Variants in IGSF11 observed in about 807,000 individuals in gnomAD.
IGSF11 encodes CXADR like 1.
In IGSF11, 22 loss-of-function variants were observed where a neutral mutation model predicts 41.0. The observed-to-expected ratio is 0.54, with a 90% CI of 0.38 to 0.77. The LOEUF is 0.77. IGSF11 is among the 30% of genes least tolerant of loss of function. IGSF11 has a pLI of 0.00. For missense variants in IGSF11, 444 were observed against 530.8 expected (o/e 0.84, Z 1.61); for synonymous variants, 219 against 201.3 (o/e 1.09, Z -0.74).
chr3:118,916,066 T>A (rs905929021), intron 4 of IGSF11, among the ~76,000 whole-genome samples: 3 of 149,826 alleles, frequency 2.0e-5, no homozygotes, highest in African/African-American at 5.0e-5. Flanking sequence ...TGAGAGATTT[T>A]GTCACCACCA....
At chr3:119,123,465 G>A (rs186223818) in intron 1 of IGSF11, among the ~76,000 whole-genome samples, 74 of 152,308 alleles carry the variant, frequency 4.9e-4, no homozygotes, top group Non-Finnish European at 3.2e-4. Context: ...TAGCTTTGCC[G>A]CTTGCCACCT....
intron 1 of IGSF11, among the ~76,000 whole-genome samples, chr3:118,984,587 G>A (rs1330972922): frequency 6.6e-6 from 1 of 152,118 alleles, no homozygotes; most frequent in African/African-American, 2.4e-5. Context: ...TTTCAAGGGA[G>A]CCAGAACAGA....
At chr3:119,017,002 T>C (rs6438482) in intron 1 of IGSF11, among the ~76,000 whole-genome samples, 26,713 of 140,468 alleles carry the variant, frequency 0.19, 2,895 homozygotes, top group African/African-American at 0.33. Flanking sequence ...TAAACAGATA[T>C]GGGCTAAAGC....
At chr3:119,050,198 C>T (rs1941558651) in intron 1 of IGSF11, among the ~76,000 whole-genome samples, 1 of 151,972 alleles carries the variant, frequency 6.6e-6, no homozygotes, top group East Asian at 1.9e-4. Context: ...AAGCTACCAT[C>T]AGAGTGAACA....
chr3:118,985,691 T>A (rs9289118), intron 1 of IGSF11, among the ~76,000 whole-genome samples: 3,613 of 152,244 alleles, frequency 0.024, 141 homozygotes, highest in African/African-American at 0.083. Context: ...ACAATGAAAC[T>A]ATCACTCATT....
chr3:119,038,495 T>G (rs1940995992), upstream of IGSF11, among the ~76,000 whole-genome samples: 1 of 152,212 alleles, frequency 6.6e-6, no homozygotes, highest in African/African-American at 2.4e-5. Context: ...AAAAGTTAGC[T>G]CTTTTTCTTG....
intron 1 of IGSF11, among the ~76,000 whole-genome samples, chr3:119,026,360 C>T (rs545520119): frequency 6.6e-5 from 10 of 152,276 alleles, no homozygotes; most frequent in African/African-American, 2.2e-4. Flanking sequence ...ATTACGGATA[C>T]CAGCATTTCA....
In IGSF11 at chr3:119,079,518, C is replaced by T. The variant is rs533007722; in HGVS notation, c.49+25626G>A. Among the ~76,000 whole-genome samples, 8 of 152,300 alleles carry T rather than the reference C, an allele frequency of 5.3e-5. No homozygotes were observed. In the South Asian group the frequency reaches 1.5e-3, roughly 28 times the overall value. On this transcript the variant is annotated intron_variant, in intron 1 of 6. Coordinates refer to the IGSF11 transcript ENST00000354673. ...TAAAGAGAACTACCATTCAACCCAG[C>T]AATCCCATTACTGTGTATATACCCA... is the stretch of plus-strand genomic sequence containing the variant.
At chr3:118,905,093 T>C (rs1175298256) in intron 5 of IGSF11, among the ~76,000 whole-genome samples, 1 of 152,176 alleles carries the variant, frequency 6.6e-6, no homozygotes, top group African/African-American at 2.4e-5. Flanking sequence ...CAATCTAACT[T>C]GCCTGGTCTA....
In IGSF11 at chr3:119,134,101, G is replaced by A. The variant is rs1030412879; in HGVS notation, c.-14+11712C>T. On this transcript the variant is annotated intron_variant, in intron 1 of 7. Coordinates refer to the IGSF11 transcript ENST00000425327. Reference sequence around the variant, plus strand: ...GAGCTATTTATGACAAACCCATAGCGAATATCATACTGAATGGGCAAAAAC... The same window carrying A: ...GAGCTATTTATGACAAACCCATAGCAAATATCATACTGAATGGGCAAAAAC... Among the ~76,000 whole-genome samples the A allele has an allele frequency of 3.3e-5, 5 of 152,164 alleles. No individual in the cohort carries two copies. The South Asian group carries it at 8.3e-4, about 25-fold the overall frequency.
At chr3:119,120,661 T>C (rs1005439990) in intron 1 of IGSF11, among the ~76,000 whole-genome samples, 14 of 152,196 alleles carry the variant, frequency 9.2e-5, no homozygotes, top group Admixed American at 6.5e-4. Flanking sequence ...CCCTAACCTT[T>C]TGTTATACAA....
At chr3:119,050,700 T>A (rs1941585032) in intron 1 of IGSF11, among the ~76,000 whole-genome samples, 1 of 152,064 alleles carries the variant, frequency 6.6e-6, no homozygotes, top group African/African-American at 2.4e-5. Context: ...TGCACACGTA[T>A]GTTTATTGCA....
At chr3:119,039,543 C>T (rs1941038064), upstream of IGSF11, among the ~76,000 whole-genome samples, 1 of 152,150 alleles carries the variant, frequency 6.6e-6, no homozygotes, top group African/African-American at 2.4e-5. Flanking sequence ...GTAATATATT[C>T]ACAGGTTCTG....
intron 1 of IGSF11, among the ~76,000 whole-genome samples, chr3:119,049,312 A>G (rs1941511858): frequency 6.6e-6 from 1 of 151,630 alleles, no homozygotes; most frequent in African/African-American, 2.4e-5. Flanking sequence ...TCAGGATACA[A>G]AATCAATGTG....
chr3:118,950,011 T>C (rs1173190825), intron 1 of IGSF11, among the ~76,000 whole-genome samples: 1 of 152,080 alleles, frequency 6.6e-6, no homozygotes, highest in Non-Finnish European at 1.5e-5. Flanking sequence ...GAAGGAACAA[T>C]TACCAATGCA....
chr3:119,050,839 C>T (rs1464927054), intron 1 of IGSF11, among the ~76,000 whole-genome samples: 1 of 151,896 alleles, frequency 6.6e-6, no homozygotes, highest in Non-Finnish European at 1.5e-5. Flanking sequence ...ACTTCATGTC[C>T]TTTGTAGGGA....
intron 1 of IGSF11, among the ~76,000 whole-genome samples, chr3:118,948,578 C>T (rs1302511395): frequency 1.3e-5 from 2 of 152,132 alleles, no homozygotes; most frequent in Non-Finnish European, 2.9e-5. Context: ...TGTTGGATGT[C>T]ATAGTAAATA....
At chr3:119,055,553 A>G (rs987834820) in intron 1 of IGSF11, among the ~76,000 whole-genome samples, 53 of 152,312 alleles carry the variant, frequency 3.5e-4, no homozygotes, top group African/African-American at 1.3e-3. Flanking sequence ...TCAACATTAG[A>G]CAGAACAACG....
intron 1 of IGSF11, among the ~76,000 whole-genome samples, chr3:119,029,744 T>C (rs1940224371): frequency 1.3e-5 from 2 of 152,252 alleles, no homozygotes; most frequent in South Asian, 4.1e-4. Context: ...TTTCCATTGT[T>C]GGGATCTTCA....
Sources: gnomAD v4.1 joint callset for allele counts (sites outside exome capture counted in the v4.1 genomes callset) on GRCh38, gnomAD v4.1.1 for gene constraint, MANE v1.5 for transcripts, NCBI Gene and HGNC (gene_info 2026-07-23, HGNC 2026-07-21) for gene names.